Variants in GNMT observed in about 807,000 individuals in gnomAD.
GNMT encodes the protein glycine N-methyltransferase.
In GNMT, 26 loss-of-function variants were observed where a neutral mutation model predicts 30.2. That is an observed-to-expected ratio of 0.86 (90% CI 0.63 to 1.19). The LOEUF is 1.19. Ranked by LOEUF, GNMT falls within the 50% of genes most tolerant of loss-of-function variation. The probability of loss-of-function intolerance (pLI) is 0.00; values close to 1 mark genes in which losing one functional copy is unlikely to be tolerated. For missense variants in GNMT, 365 were observed against 398.1 expected, an observed-to-expected ratio of 0.92 and a Z score of 0.71; for synonymous variants, 163 against 163.8, an observed-to-expected ratio of 1.00 and a Z score of 0.04.
chr6:42,961,176 G>C (rs1769366332), intron 1 of GNMT, among the ~76,000 whole-genome samples: 1 of 152,236 alleles, frequency 6.6e-6, no homozygotes, highest in Non-Finnish European at 1.5e-5. Flanking sequence ...GGTCCAGGTA[G>C]CGGTTCGCAG....
chr6:42,963,111 C>A lies in GNMT; in HGVS notation c.491C>A (p.Ala164Glu). 1 of 1,612,608 alleles carries A rather than the reference C, an allele frequency of 6.2e-7. No homozygotes were observed. The highest frequency in any genetic ancestry group is 8.5e-7 in the Non-Finnish European group (1 of 1,179,916). Residue 164 changes from alanine (A) to glutamate (E), a missense_variant, in exon 4 of 6, where the codon GCG becomes GAG. By Grantham distance (107) the Ala-to-Glu change is moderately radical. Around this residue, in one of 3 missense-constraint regions of GNMT, gnomAD observed 232 missense variants for 263.0 expected, o/e 0.88. Transcript: ENST00000372808. The stretch of plus-strand genomic sequence containing the variant: ...CACCGGCTGGCGCTGAAAAACATTG[C>A]GAGCATGGTGCGGGCAGGGGGCCTA... ...SEHRLALKNI[A>E]SMVRAGGLLV...
Position 42,963,397 on chromosome 6 carries a change from G to A in GNMT, c.664G>A (p.Asp222Asn). The part of the protein sequence containing the change: ...VNNKAHMVTL[D>N]YTVQVPGAGQ... ...CAACAAGGCCCACATGGTGACCCTG[G>A]ACTATACGGTGCAGGTGCCGGGGGC... Residue 222 changes from aspartate to asparagine, a missense_variant, in exon 5 of 6, where the codon GAC becomes AAC. Around this residue, in one of 3 missense-constraint regions of GNMT, gnomAD observed 232 missense variants for 263.0 expected, o/e 0.88. Transcript: ENST00000372808. 3 of 1,613,904 alleles carry A rather than the reference G, an allele frequency of 1.9e-6. No individual in the cohort carries two copies. The highest frequency in any genetic ancestry group is 2.5e-6 in the Non-Finnish European group (3 of 1,179,836).
At chr6:42,961,715 A>G (rs552259888) in intron 1 of GNMT, among the ~76,000 whole-genome samples, 38 of 151,702 alleles carry the variant, frequency 2.5e-4, no homozygotes, top group African/African-American at 8.5e-4. Context: ...CACCACGCCC[A>G]GCTAATATTT....
rs1287265412 is a variant in GNMT at position 42,960,958 on chromosome 6, T to C, written c.191T>C (p.Val64Ala). Residue 64 changes from valine to alanine, a missense_variant, in exon 1 of 6, where the codon GTA becomes GCA. By Grantham distance (64) the Val-to-Ala change is moderately conservative. Coordinates refer to ENST00000372808, the MANE Select transcript of GNMT (RefSeq NM_018960.6). ...CACGGCTGCCAGCGGGTGCTCGACGTAGCCTGTGGCACTGGGTGAGCCCAG... is the reference window on the plus strand; with the variant it reads ...CACGGCTGCCAGCGGGTGCTCGACGCAGCCTGTGGCACTGGGTGAGCCCAG... ...RQHGCQRVLD[V>A]ACGTGVDSIM... is the part of the protein sequence containing the mutation. 3 of 1,560,532 alleles carry C rather than the reference T, an allele frequency of 1.9e-6. No homozygotes were observed. In the African/African-American group the frequency reaches 4.1e-5, roughly 21 times the overall value.
chr6:42,963,252 G>A (rs1769526263), intron 4 of GNMT, 38 bp downstream of exon 4: 2 of 1,331,606 alleles, frequency 1.5e-6, no homozygotes, highest in African/African-American at 3.0e-5. Context: ...GTGGGGGTGG[G>A]GGTGGGGTGG....
chr6:42,961,417 A>G (rs1313315671), intron 1 of GNMT, among the ~76,000 whole-genome samples: 2 of 152,160 alleles, frequency 1.3e-5, no homozygotes, highest in African/African-American at 4.8e-5. Flanking sequence ...CCATGAAGTT[A>G]AGCAGTGATA....
rs768654043 is a variant in GNMT, at chr6:42,963,111, C to G, written c.491C>G (p.Ala164Gly). ...SEHRLALKNI[A>G]SMVRAGGLLV... ...CACCGGCTGGCGCTGAAAAACATTG[C>G]GAGCATGGTGCGGGCAGGGGGCCTA... The change falls in exon 4 of 6, where the codon GCG (alanine) becomes GGG (glycine). Residue 164 changes from alanine (A) to glycine (G), a missense_variant. Coordinates refer to ENST00000372808, the MANE Select transcript of GNMT (RefSeq NM_018960.6). 1 of 1,612,608 alleles carries G rather than the reference C, an allele frequency of 6.2e-7. No individual in the cohort carries two copies. Among genetic ancestry groups the G allele is most frequent in the Admixed American group, 1.7e-5 (1 of 59,984 alleles).
chr6:42,963,232 G>T lies in GNMT; in HGVS notation c.594+18G>T. 1 of 1,189,430 alleles carries T rather than the reference G, an allele frequency of 8.4e-7. No individual in the cohort carries two copies. The highest frequency in any genetic ancestry group is 4.0e-5 in the East Asian group (1 of 24,896). 73.7% of individuals were successfully genotyped at this position (1,189,430 alleles called of 1,614,324 possible). A position where few individuals can be genotyped will look rare whatever the true frequency, so the allele number is the denominator to read the frequency against. On this transcript the variant is annotated intron_variant, in intron 4 of 5. Transcript: ENST00000372808. Reference sequence around the variant, plus strand: ...ACTATAAGGTGGGGCCCTCTGGGGTGGGGGTGGGGGTGGGGGTGGGGGTGG... The same window carrying T: ...ACTATAAGGTGGGGCCCTCTGGGGTTGGGGTGGGGGTGGGGGTGGGGGTGG...
At position 42,963,801 on chromosome 6, in the gene GNMT, G is replaced by C. The variant is rs1769589580; in HGVS notation, c.*95G>C. The C allele has an allele frequency of 1.7e-6, 2 of 1,193,190 alleles. No homozygotes were observed. Among genetic ancestry groups the C allele is most frequent in the Admixed American group, 1.8e-5 (1 of 55,098 alleles). 73.9% of individuals were successfully genotyped at this position (1,193,190 alleles called of 1,614,324 possible). ...AGCCCCACACCAGGGCCAGCCTCTA[G>C]AGCAGACTACAGCTGGGGTGCAGGG... On this transcript the variant is annotated 3_prime_UTR_variant, in exon 6 of 6. Transcript: ENST00000372808.
At position 42,963,332 on chromosome 6, in the gene GNMT, A is replaced by T; in HGVS notation, c.599A>T (p.Asp200Val). 6.2e-7 allele frequency: 1 copy of T among 1,610,452 alleles called. No homozygotes were observed. Among genetic ancestry groups the T allele is most frequent in the Non-Finnish European group, 8.5e-7 (1 of 1,178,396 alleles). ...CGGCTGCCCCACCACCTACAGAGTGACTTGACCAAGGACGTCACAACATCA... is the reference window on the plus strand; with the variant it reads ...CGGCTGCCCCACCACCTACAGAGTGTCTTGACCAAGGACGTCACAACATCA... ...PPGKNIYYKS[D>V]LTKDVTTSVL... Residue 200 changes from aspartate to valine, a missense_variant, in exon 5 of 6, where the codon GAC becomes GTC. Asp to Val is a radical substitution (Grantham distance 152). This residue lies in a region of GNMT where 232 missense variants were observed against 263.0 expected (regional missense o/e 0.88). Transcript: ENST00000372808.
Position 42,963,769 on chromosome 6 carries a change from G to A in GNMT, c.*63G>A. The A allele has an allele frequency of 6.5e-7, 1 of 1,540,964 alleles. No homozygotes were observed. Among genetic ancestry groups the A allele is most frequent in the Non-Finnish European group, 9.0e-7 (1 of 1,116,276 alleles). On this transcript the variant is annotated 3_prime_UTR_variant, in exon 6 of 6. Coordinates refer to ENST00000372808, the MANE Select transcript of GNMT (RefSeq NM_018960.6). ...TGCTAGGCTCTGTCTGGAAGATGGG[G>A]ACCAGCAGCCCCACACCAGGGCCAG...
chr6:42,963,189 C>A lies in GNMT; in HGVS notation c.569C>A (p.Pro190His). ...CACATCCTCAGTACAGGCTGTGCAC[C>A]CCCAGGGAAGAACATCTACTATAAG... Reference protein sequence around the residue: ...YDHILSTGCAPPGKNIYYKSD... With the variant: ...YDHILSTGCAHPGKNIYYKSD... Residue 190 changes from proline to histidine, a missense_variant, in exon 4 of 6, where the codon CCC (proline) becomes CAC (histidine). By Grantham distance (77) the Pro-to-His change is moderately conservative. This residue lies in a region of GNMT where 232 missense variants were observed against 263.0 expected (regional missense o/e 0.88). Transcript: ENST00000372808. The A allele has an allele frequency of 3.1e-6, 5 of 1,603,940 alleles. No individual in the cohort carries two copies. Among genetic ancestry groups the A allele is most frequent in the Non-Finnish European group, 4.2e-6 (5 of 1,178,248 alleles).
chr6:42,962,196 C>T lies in GNMT; in HGVS notation c.207-16C>T, dbSNP rs372514666. On this transcript the variant is annotated splice_polypyrimidine_tract_variant and intron_variant, in intron 1 of 5. Coordinates refer to ENST00000372808, the MANE Select transcript of GNMT (RefSeq NM_018960.6). Reference sequence around the variant, plus strand: ...CTAACTGCCTCTCTCTGCCTCTCCTCGCTGGCCGTACTCAGGGTGGACTCC... The same window carrying T: ...CTAACTGCCTCTCTCTGCCTCTCCTTGCTGGCCGTACTCAGGGTGGACTCC... 29 of 1,614,018 alleles carry T rather than the reference C, an allele frequency of 1.8e-5. No individual in the cohort carries two copies. Among genetic ancestry groups the T allele is most frequent in the Non-Finnish European group, 2.2e-5 (26 of 1,179,972 alleles).
In GNMT at chr6:42,963,868, T is replaced by G; in HGVS notation, c.*162T>G. 1 of 697,346 alleles carries G rather than the reference T, an allele frequency of 1.4e-6. No homozygotes were observed. The highest frequency in any genetic ancestry group is 2.5e-6 in the Non-Finnish European group (1 of 399,180). 43.2% of individuals were successfully genotyped at this position (697,346 alleles called of 1,614,324 possible). On this transcript the variant is annotated 3_prime_UTR_variant, in exon 6 of 6. Coordinates refer to ENST00000372808, the MANE Select transcript of GNMT (RefSeq NM_018960.6). ...CGGAAGGGTAAACAATATAGTCTTT[T>G]TCAGTTCCTGCATGCATTGTGTTTA...
Position 42,963,674 on chromosome 6 carries a change from T to C in GNMT, c.856T>C (p.Tyr286His), listed in dbSNP as rs752186325. 7 of 1,614,178 alleles carry C rather than the reference T, an allele frequency of 4.3e-6. No individual in the cohort carries two copies. The highest frequency in any genetic ancestry group is 5.9e-6 in the Non-Finnish European group (7 of 1,180,008). Residue 286 changes from tyrosine to histidine, a missense_variant, in exon 6 of 6, where the codon TAC (tyrosine) becomes CAC (histidine). By Grantham distance (83) the Tyr-to-His change is moderately conservative (BLOSUM62 2). Coordinates refer to ENST00000372808, the MANE Select transcript of GNMT (RefSeq NM_018960.6). ...GCCAGGCCAAACCTACATTCCCTGCTACTTCATCCACGTGCTCAAGAGGAC... is the reference window on the plus strand; with the variant it reads ...GCCAGGCCAAACCTACATTCCCTGCCACTTCATCCACGTGCTCAAGAGGAC... The part of the protein sequence containing the change: ...YKPGQTYIPC[Y>H]FIHVLKRTD
At position 42,962,420 on chromosome 6, in the gene GNMT, C is replaced by T. The variant is rs535014756; in HGVS notation, c.334+81C>T. The stretch of plus-strand genomic sequence containing the variant: ...TGCCTGGGGCTCCTTTAAGTGGGGG[C>T]GGGGGTGGAGTGTTGTGTTTTCCTC... On this transcript the variant is annotated intron_variant, in intron 2 of 5. Transcript: ENST00000372808. The T allele has an allele frequency of 1.4e-5, 20 of 1,452,282 alleles. No individual in the cohort carries two copies. In the Admixed American group the frequency reaches 1.5e-4, roughly 11 times the overall value. 90.0% of individuals were successfully genotyped at this position (1,452,282 alleles called of 1,614,324 possible). A position where few individuals can be genotyped will look rare whatever the true frequency, so the allele number is the denominator to read the frequency against.
At chr6:42,961,015 G>A (rs757299286) in intron 1 of GNMT, 42 bp downstream of exon 1, 2 of 1,472,186 alleles carry the variant, frequency 1.4e-6, no homozygotes, top group Admixed American at 2.0e-5. Context: ...TGAGATCGGG[G>A]TCTGTCTCAG....
At chr6:42,963,263 A>AG (rs1188113944) in intron 4 of GNMT, 49 bp downstream of exon 4, 1 of 649,142 alleles carries the variant, frequency 1.5e-6, no homozygotes, top group Non-Finnish European at 2.2e-6. Context: ...GGTGGGGTGG[A>AG]GGGAGGGTCC....
chr6:42,962,318 G>A lies in GNMT; in HGVS notation c.313G>A (p.Glu105Lys), dbSNP rs761907772. 13 of 1,613,972 alleles carry A rather than the reference G, an allele frequency of 8.1e-6. No individual in the cohort carries two copies. The highest frequency in any genetic ancestry group is 2.2e-5 in the East Asian group (1 of 44,894). The change falls in exon 2 of 6, where the codon GAG becomes AAG. Residue 105 changes from glutamate (E) to lysine (K), a missense_variant. Around this residue, in one of 3 missense-constraint regions of GNMT, gnomAD observed 232 missense variants for 263.0 expected, o/e 0.88. Transcript: ENST00000372808. ...TAAGGAGCGCTGGAACCGGCGGCAC[G>A]AGCCCGCCTTCGACAAGTGGGGTAT... The part of the protein sequence containing the change: ...ALKERWNRRH[E>K]PAFDKWVIEE...
Sources: gnomAD v4.1 joint callset for allele counts (sites outside exome capture counted in the v4.1 genomes callset) on GRCh38, gnomAD v4.1.1 for gene constraint, gnomAD v4.1.1 regional missense constraint, MANE v1.5 for transcripts, NCBI Gene and HGNC (gene_info 2026-07-23, HGNC 2026-07-21) for gene names.